Variants in FMNL2 observed in about 807,000 individuals in gnomAD.
FMNL2 encodes the protein formin like 2, also known as formin-like protein 2.
A neutral mutation model predicts 130.2 loss-of-function variants in FMNL2; 51 were observed. The observed-to-expected ratio is 0.39, with a 90% CI of 0.31 to 0.49. The LOEUF is 0.49. Ranked by LOEUF, FMNL2 falls within the 20% of genes least tolerant of loss-of-function variation. FMNL2 has a pLI of 0.85. For synonymous variants in FMNL2, 465 were observed against 467.1 expected, an observed-to-expected ratio of 1.00 and a Z score of 0.06; for missense variants, 977 against 1,316.2, an observed-to-expected ratio of 0.74 and a Z score of 3.99.
chr2:152,412,989 A>G (rs1686403896), intron 1 of FMNL2, among the ~76,000 whole-genome samples: 1 of 152,184 alleles, frequency 6.6e-6, no homozygotes, highest in South Asian at 2.1e-4. Context: ...AGGGTTAATC[A>G]GCTAGCCCCT....
intron 1 of FMNL2, among the ~76,000 whole-genome samples, chr2:152,407,565 A>G (rs1371747033): frequency 1.3e-5 from 2 of 152,086 alleles, no homozygotes; most frequent in Non-Finnish European, 2.9e-5. Context: ...TGGCTCGTGC[A>G]TTAAACGAAG....
At chr2:152,348,990 G>A (rs1021701580) in intron 1 of FMNL2, among the ~76,000 whole-genome samples, 3 of 144,522 alleles carry the variant, frequency 2.1e-5, no homozygotes, top group East Asian at 2.0e-4. Context: ...GCCCGCCACC[G>A]CGCCCGGCTA....
chr2:152,353,766 A>G (rs1682635166), intron 1 of FMNL2, among the ~76,000 whole-genome samples: 1 of 152,000 alleles, frequency 6.6e-6, no homozygotes, highest in Admixed American at 6.6e-5. Context: ...ATTATTTTGT[A>G]CTCTTTTAAA....
chr2:152,387,354 G>C (rs1247218726), intron 1 of FMNL2, among the ~76,000 whole-genome samples: 2 of 152,182 alleles, frequency 1.3e-5, no homozygotes, highest in African/African-American at 4.8e-5. Flanking sequence ...GCCTTGCTTT[G>C]TAGTAGGCCT....
chr2:152,544,710 A>G (rs1014255131), intron 3 of FMNL2, among the ~76,000 whole-genome samples: 2 of 151,738 alleles, frequency 1.3e-5, no homozygotes, highest in African/African-American at 2.4e-5. Context: ...TTCCTTCCAC[A>G]TTTTTCCAGT....
intron 1 of FMNL2, among the ~76,000 whole-genome samples, chr2:152,484,230 A>G (rs1287718093): frequency 6.6e-6 from 1 of 152,188 alleles, no homozygotes; most frequent in Non-Finnish European, 1.5e-5. Flanking sequence ...AACATTTACA[A>G]AATTACTTTA....
chr2:152,375,877 C>CTCTA (rs796954245), intron 1 of FMNL2, among the ~76,000 whole-genome samples: 9,386 of 112,168 alleles, frequency 0.084, 492 homozygotes, highest in Non-Finnish European at 0.093. Flanking sequence ...CTCTCTCTCT[C>CTCTA]TATATATATA....
At chr2:152,644,443 G>A (rs1027045888) in intron 25 of FMNL2, among the ~76,000 whole-genome samples, 42 of 152,130 alleles carry the variant, frequency 2.8e-4, no homozygotes, top group African/African-American at 8.9e-4. Flanking sequence ...TCTCTTATAC[G>A]TCCATAGCAT....
At chr2:152,399,115 G>T (rs1486342102) in intron 1 of FMNL2, among the ~76,000 whole-genome samples, 1 of 152,246 alleles carries the variant, frequency 6.6e-6, no homozygotes, top group East Asian at 1.9e-4. Context: ...CCCAGAAGCT[G>T]CCCCTGGACC....
chr2:152,400,239 C>T (rs536517324), intron 1 of FMNL2, among the ~76,000 whole-genome samples: 16 of 152,120 alleles, frequency 1.1e-4, no homozygotes, highest in Admixed American at 9.2e-4. Flanking sequence ...TAAGACTAGC[C>T]TGGCCAACAT....
intron 13 of FMNL2, among the ~76,000 whole-genome samples, chr2:152,618,205 T>C (rs550257048): frequency 3.1e-4 from 47 of 152,326 alleles, no homozygotes; most frequent in African/African-American, 1.1e-3. Flanking sequence ...TGTTTTCTGC[T>C]AAAAAGCTAG....
chr2:152,484,723 C>T (rs1337922433), intron 1 of FMNL2, among the ~76,000 whole-genome samples: 13 of 151,996 alleles, frequency 8.6e-5, no homozygotes, highest in African/African-American at 3.1e-4. Flanking sequence ...GATGGTGCCC[C>T]TGCACTCCAG....
chr2:152,558,636 A>T, intron 4 of FMNL2, 104 bp from the exon 5 acceptor site: 1 of 1,006,838 alleles, frequency 9.9e-7, no homozygotes, highest in South Asian at 1.5e-5. Context: ...CTTTCAGGCA[A>T]TGAAAGTTTC....
intron 6 of FMNL2, among the ~76,000 whole-genome samples, chr2:152,568,490 C>G (rs986623438): frequency 1.3e-5 from 2 of 151,966 alleles, no homozygotes; most frequent in African/African-American, 4.8e-5. Context: ...CGCATCTGGC[C>G]CATTTTAGTG....
intron 3 of FMNL2, among the ~76,000 whole-genome samples, chr2:152,545,789 T>C (rs1579930251): frequency 6.6e-6 from 1 of 152,226 alleles, no homozygotes; most frequent in Non-Finnish European, 1.5e-5. Flanking sequence ...GGATAGATTT[T>C]AGAAGTGCAA....
chr2:152,560,796 C>A, intron 5 of FMNL2, 87 bp from the exon 6 acceptor site: 1 of 1,285,572 alleles, frequency 7.8e-7, no homozygotes, highest in Non-Finnish European at 1.0e-6. Context: ...GTGCAGATGT[C>A]TTGTAGGAAC....
chr2:152,589,980 T>TAG (rs1697317296), intron 9 of FMNL2, among the ~76,000 whole-genome samples: 1 of 42,106 alleles, frequency 2.4e-5, no homozygotes, highest in South Asian at 5.7e-4. Context: ...TATATATATA[T>TAG]ATATGTATAT....
intron 9 of FMNL2, among the ~76,000 whole-genome samples, chr2:152,593,383 G>T (rs528866348): frequency 6.6e-6 from 1 of 152,280 alleles, no homozygotes; most frequent in African/African-American, 2.4e-5. Flanking sequence ...TGATTCTGTG[G>T]AAATCTGCAA....
chr2:152,372,048 G>T (rs911782369), intron 1 of FMNL2, among the ~76,000 whole-genome samples: 6 of 152,162 alleles, frequency 3.9e-5, no homozygotes, highest in Admixed American at 3.9e-4. Context: ...ATGGAGCCAG[G>T]TGACACTACA....
Sources: gnomAD v4.1 joint callset for allele counts (sites outside exome capture counted in the v4.1 genomes callset) on GRCh38, gnomAD v4.1.1 for gene constraint, MANE v1.5 for transcripts, NCBI Gene and HGNC (gene_info 2026-07-23, HGNC 2026-07-21) for gene names.